RREB1: variants seen among roughly 807,000 people sequenced by gnomAD.
The protein encoded by RREB1 is ras responsive element binding protein 1.
Under a neutral mutation model 117.8 loss-of-function variants are expected in RREB1, and 27 were observed. The ratio of observed to expected loss-of-function variants is 0.23; its 90% CI spans 0.17 to 0.32. RREB1 has a LOEUF of 0.32. RREB1 is among the 10% of genes least tolerant of loss of function. The pLI is 1.00. For missense variants in RREB1, 2,577 were observed against 2,378.2 expected, an observed-to-expected ratio of 1.08 and a Z score of -1.74; for synonymous variants, 1,298 against 1,026.7, an observed-to-expected ratio of 1.26 and a Z score of -5.05.
At chr6:7,114,134 A>G (rs1761273992) in intron 1 of RREB1, among the ~76,000 whole-genome samples, 1 of 149,784 alleles carries the variant, frequency 6.7e-6, no homozygotes, top group Non-Finnish European at 1.5e-5. Flanking sequence ...AATGTGGTTC[A>G]CTTAGGTGAG....
intron 2 of RREB1, among the ~76,000 whole-genome samples, chr6:7,180,816 T>TGA (rs1159337758): frequency 6.6e-6 from 1 of 152,224 alleles, no homozygotes; most frequent in Non-Finnish European, 1.5e-5. Flanking sequence ...TGCAAGGGAC[T>TGA]GAGGCACAGT....
At chr6:7,117,572 A>G (rs1761469977) in intron 1 of RREB1, among the ~76,000 whole-genome samples, 1 of 151,216 alleles carries the variant, frequency 6.6e-6, no homozygotes, top group Non-Finnish European at 1.5e-5. Context: ...CACCCAGCTA[A>G]TTTTTGTATT....
intron 6 of RREB1, among the ~76,000 whole-genome samples, chr6:7,198,347 C>A (rs1765768241): frequency 6.6e-6 from 1 of 152,098 alleles, no homozygotes; most frequent in Admixed American, 6.5e-5. Context: ...TGTGGGTCAC[C>A]CTGCCCCGGA....
At chr6:7,147,365 G>A (rs1174156630) in intron 1 of RREB1, among the ~76,000 whole-genome samples, 4 of 152,192 alleles carry the variant, frequency 2.6e-5, no homozygotes, top group Admixed American at 2.6e-4. Context: ...CAGAAAAGAG[G>A]TCTTCCTTTT....
At chr6:7,176,997 A>G (rs1373211234) in intron 2 of RREB1, among the ~76,000 whole-genome samples, 3 of 151,940 alleles carry the variant, frequency 2.0e-5, no homozygotes, top group African/African-American at 7.3e-5. Context: ...CGGACAGATC[A>G]CTTGAGGCCA....
chr6:7,187,691 AT>A, intron 5 of RREB1, 168 bp downstream of exon 5: 1 of 321,414 alleles, frequency 3.1e-6, no homozygotes, highest in Non-Finnish European at 5.4e-6. Flanking sequence ...GGACCAGCCT[AT>A]TTTTGATCTA....
intron 1 of RREB1, among the ~76,000 whole-genome samples, chr6:7,149,567 CTG>C (rs1763020834): frequency 6.6e-6 from 1 of 152,190 alleles, no homozygotes; most frequent in African/African-American, 2.4e-5. Context: ...CAATTCATGT[CTG>C]TGCCCAGAAT....
chr6:7,228,933 T>C, intron 9 of RREB1, 64 bp from the exon 10 acceptor site: 1 of 1,381,214 alleles, frequency 7.2e-7, no homozygotes, highest in Non-Finnish European at 9.6e-7. Flanking sequence ...TGCATCTCCG[T>C]TTAGTGATTA....
intron 6 of RREB1, among the ~76,000 whole-genome samples, chr6:7,210,215 C>T (rs867097407): frequency 3.9e-5 from 6 of 152,114 alleles, no homozygotes; most frequent in South Asian, 2.1e-4. Flanking sequence ...TTCCACTGTC[C>T]GAGTTAACTC....
intron 12 of RREB1, 120 bp from the exon 13 acceptor site, chr6:7,248,391 T>G: frequency 1.3e-6 from 1 of 787,676 alleles, no homozygotes; most frequent in Non-Finnish European, 2.0e-6. Flanking sequence ...TCTGGCTGAG[T>G]AGGACGGAGT....
intron 9 of RREB1, among the ~76,000 whole-genome samples, chr6:7,227,550 A>AC: frequency 6.6e-6 from 1 of 151,780 alleles, no homozygotes; most frequent in South Asian, 2.1e-4. Context: ...AAGAAAAAAA[A>AC]AATTTTTTTT....
intron 6 of RREB1, among the ~76,000 whole-genome samples, chr6:7,201,504 CCA>C (rs1491126065): frequency 2.8e-5 from 4 of 142,786 alleles, no homozygotes; most frequent in Non-Finnish European, 4.6e-5. Flanking sequence ...TCCCCCCCCC[CCA>C]ACCCCCATCC....
intron 6 of RREB1, among the ~76,000 whole-genome samples, chr6:7,194,152 G>A (rs1251020352): frequency 6.6e-6 from 1 of 152,188 alleles, no homozygotes; most frequent in Admixed American, 6.5e-5. Flanking sequence ...GATAGTCTTA[G>A]AAATTATTTT....
chr6:7,141,080 G>C (rs1469353590), intron 1 of RREB1, among the ~76,000 whole-genome samples: 2 of 152,224 alleles, frequency 1.3e-5, no homozygotes, highest in Non-Finnish European at 2.9e-5. Flanking sequence ...TCCTCAGGCT[G>C]GGACCGGGCA....
At chr6:7,127,019 T>C (rs1215140931) in intron 1 of RREB1, among the ~76,000 whole-genome samples, 1 of 152,204 alleles carries the variant, frequency 6.6e-6, no homozygotes, top group Non-Finnish European at 1.5e-5. Context: ...AACGTCCTTC[T>C]AGGCAAAAAG....
intron 12 of RREB1, among the ~76,000 whole-genome samples, chr6:7,248,006 C>G (rs1012588595): frequency 1.3e-5 from 2 of 152,218 alleles, no homozygotes; most frequent in Non-Finnish European, 2.9e-5. Flanking sequence ...CCTTGGCTCT[C>G]AGAAGAGGGA....
chr6:7,175,966 G>A (rs1764479685), intron 1 of RREB1, among the ~76,000 whole-genome samples: 1 of 152,170 alleles, frequency 6.6e-6, no homozygotes, highest in African/African-American at 2.4e-5. Context: ...TACCCAGGCT[G>A]GAGTGCAGTG....
rs964726519 is a variant in RREB1 at position 7,249,765 on chromosome 6, T to C, written c.*797T>C. The C allele has an allele frequency of 1.3e-5, 2 of 152,060 alleles. No individual in the cohort carries two copies. 9.4% of individuals were successfully genotyped at this position (152,060 alleles called of 1,614,324 possible). A position where few individuals can be genotyped will look rare whatever the true frequency, so the allele number is the denominator to read the frequency against. On this transcript the variant is annotated 3_prime_UTR_variant, in exon 13 of 13. Coordinates refer to ENST00000379938, the MANE Select transcript of RREB1 (RefSeq NM_001003699.4). ...CATGCACGGATAGGATATATTTGAT[T>C]GCCTCCTCTTCCCTTTCAGTATATG...
rs556158757 is a variant in RREB1 at position 7,144,344 on chromosome 6, G to T, written c.-284-32311G>T. Among the ~76,000 whole-genome samples, 22 of 152,238 alleles carry T rather than the reference G, an allele frequency of 1.4e-4. No homozygotes were observed. In the South Asian group the frequency reaches 2.9e-3, roughly 20 times the overall value. On this transcript the variant is annotated intron_variant, in intron 1 of 12. Coordinates refer to ENST00000379938, the MANE Select transcript of RREB1 (RefSeq NM_001003699.4). ...CACTGTACATATACAATTTTAATTT[G>T]TCAACTATATTATAATGTGAAACTT...
Sources: gnomAD v4.1 joint callset for allele counts (sites outside exome capture counted in the v4.1 genomes callset) on GRCh38, gnomAD v4.1.1 for gene constraint, MANE v1.5 for transcripts, NCBI Gene and HGNC (gene_info 2026-07-23, HGNC 2026-07-21) for gene names.